The following SDK1 variants were observed in gnomAD, a reference collection of about 807,000 sequenced individuals.
SDK1 encodes sidekick cell adhesion molecule 1.
In SDK1, 157 loss-of-function variants were observed where a neutral mutation model predicts 245.5. The observed-to-expected ratio is 0.64, with a 90% CI of 0.56 to 0.73. SDK1 has a LOEUF of 0.73. Among genes scored for constraint, SDK1 ranks in the 30% least tolerant of loss-of-function variants. The pLI is 0.00. For missense variants in SDK1, 3,583 were observed against 3,002.3 expected (o/e 1.19, Z -4.52); for synonymous variants, 1,647 against 1,278.5 (o/e 1.29, Z -6.15).
chr7:4,095,534 C>G (rs1385448836), intron 22 of SDK1, among the ~76,000 whole-genome samples: 1 of 152,088 alleles, frequency 6.6e-6, no homozygotes, highest in Non-Finnish European at 1.5e-5. Flanking sequence ...TCTTGTTTGT[C>G]AAGTTGCTCC....
chr7:3,842,845 AGT>A (rs1216477148), intron 5 of SDK1, among the ~76,000 whole-genome samples: 1 of 152,110 alleles, frequency 6.6e-6, no homozygotes, highest in East Asian at 1.9e-4. Context: ...AAGAGAAGAC[AGT>A]GTCTCCACAG....
intron 1 of SDK1, among the ~76,000 whole-genome samples, chr7:3,453,600 A>G (rs762061000): frequency 4.6e-5 from 7 of 152,204 alleles, no homozygotes; most frequent in Non-Finnish European, 8.8e-5. Flanking sequence ...GAATGCCGAC[A>G]GCTGCCTACT....
At chr7:3,751,843 C>T (rs969920254) in intron 4 of SDK1, among the ~76,000 whole-genome samples, 2 of 152,120 alleles carry the variant, frequency 1.3e-5, no homozygotes, top group African/African-American at 4.8e-5. Flanking sequence ...TTCTGAAAGC[C>T]CTGGGAAACT....
At chr7:3,739,785 T>C (rs1285296342) in intron 4 of SDK1, among the ~76,000 whole-genome samples, 1 of 152,186 alleles carries the variant, frequency 6.6e-6, no homozygotes, top group Non-Finnish European at 1.5e-5. Context: ...TGATTGCTTT[T>C]TTTCCCCCGT....
At chr7:4,078,580 G>C in intron 21 of SDK1, among the ~76,000 whole-genome samples, 1 of 152,280 alleles carries the variant, frequency 6.6e-6, no homozygotes, top group South Asian at 2.1e-4. Context: ...CTCAGAGATA[G>C]TGAGGTCTGA....
intron 1 of SDK1, chr7:3,338,387 T>A (rs1373016862): frequency 1.9e-6 from 1 of 529,226 alleles, no homozygotes; most frequent in Non-Finnish European, 3.6e-6. Context: ...CCAAGAGAAC[T>A]AATGTGCGTG....
At chr7:3,816,478 A>G (rs1393824247) in intron 4 of SDK1, among the ~76,000 whole-genome samples, 1 of 150,626 alleles carries the variant, frequency 6.6e-6, no homozygotes, top group Non-Finnish European at 1.5e-5. Context: ...CTCTACGCAA[A>G]TAAACTAGAA....
intron 28 of SDK1, 38 bp from the exon 29 acceptor site, chr7:4,145,684 C>G (rs560472586): frequency 1.3e-6 from 2 of 1,559,558 alleles, no homozygotes; most frequent in African/African-American, 1.4e-5. Context: ...CCGTGGGTGA[C>G]TGGCTCAGCA....
At chr7:3,446,435 T>A (rs1194914293) in intron 1 of SDK1, among the ~76,000 whole-genome samples, 1 of 152,142 alleles carries the variant, frequency 6.6e-6, no homozygotes, top group East Asian at 1.9e-4. Context: ...AGTTGATAAG[T>A]TTTCTACCAG....
chr7:4,072,138 C>G (rs527776150), intron 20 of SDK1, among the ~76,000 whole-genome samples: 1 of 152,316 alleles, frequency 6.6e-6, no homozygotes, highest in Non-Finnish European at 1.5e-5. Flanking sequence ...TAAACAAATA[C>G]CTGTAGTTAA....
chr7:3,510,330 G>A (rs1315583888), intron 1 of SDK1, among the ~76,000 whole-genome samples: 3 of 152,104 alleles, frequency 2.0e-5, no homozygotes, highest in South Asian at 2.1e-4. Flanking sequence ...TTGCACAGAC[G>A]TTCTGCTGTC....
intron 17 of SDK1, among the ~76,000 whole-genome samples, chr7:4,030,054 C>T (rs776831556): frequency 3.3e-5 from 5 of 152,138 alleles, no homozygotes; most frequent in South Asian, 2.1e-4. Flanking sequence ...GTTTCCAGAT[C>T]GAGGTAAATG....
At chr7:3,616,355 C>T (rs561299237) in intron 1 of SDK1, among the ~76,000 whole-genome samples, 9 of 152,236 alleles carry the variant, frequency 5.9e-5, no homozygotes, top group Non-Finnish European at 1.0e-4. Flanking sequence ...AACCAGAACA[C>T]GTGTGGCCCT....
chr7:3,870,938 T>C (rs1356706726), intron 5 of SDK1, among the ~76,000 whole-genome samples: 1 of 152,220 alleles, frequency 6.6e-6, no homozygotes, highest in East Asian at 1.9e-4. Context: ...ACTGGTCAGT[T>C]ATTTTGCAGA....
chr7:4,263,420 T>C (rs576292340), intron 44 of SDK1, among the ~76,000 whole-genome samples: 15 of 148,778 alleles, frequency 1.0e-4, no homozygotes, highest in East Asian at 2.1e-4. Flanking sequence ...GTGGGAAGGC[T>C]GTGTAGACCT....
At chr7:3,566,009 A>C (rs1172685077) in intron 1 of SDK1, among the ~76,000 whole-genome samples, 5 of 152,192 alleles carry the variant, frequency 3.3e-5, no homozygotes, top group Admixed American at 2.0e-4. Context: ...ACTTACAGCA[A>C]CGAAAGCAAT....
At chr7:3,349,316 T>G (rs1219676213) in intron 1 of SDK1, among the ~76,000 whole-genome samples, 1 of 151,928 alleles carries the variant, frequency 6.6e-6, no homozygotes, top group African/African-American at 2.4e-5. Context: ...AGACTGTGGT[T>G]CATAATCACT....
intron 32 of SDK1, among the ~76,000 whole-genome samples, chr7:4,171,131 G>C (rs1781812478): frequency 6.6e-6 from 1 of 152,160 alleles, no homozygotes; most frequent in South Asian, 2.1e-4. Flanking sequence ...GCCGGTGAAG[G>C]GGTGCCTGCT....
intron 5 of SDK1, among the ~76,000 whole-genome samples, chr7:3,861,926 G>A (rs920053266): frequency 6.6e-6 from 1 of 152,110 alleles, no homozygotes; most frequent in Non-Finnish European, 1.5e-5. Flanking sequence ...GTGGCACTCC[G>A]GAGCTCCTAC....
Sources: gnomAD v4.1 joint callset for allele counts (sites outside exome capture counted in the v4.1 genomes callset) on GRCh38, gnomAD v4.1.1 for gene constraint, MANE v1.5 for transcripts, NCBI Gene and HGNC (gene_info 2026-07-23, HGNC 2026-07-21) for gene names.